Variants in RCC1L observed in about 807,000 individuals in gnomAD.
RCC1L encodes the protein RCC1-like G exchanging factor-like protein.
RCC1L carries 46 observed loss-of-function variants against 58.6 expected under a neutral mutation model. The observed-to-expected ratio is 0.79, with a 90% CI of 0.62 to 1.00. The LOEUF is 1.00. RCC1L is among the 50% of genes least tolerant of loss of function. RCC1L has a pLI of 0.00. For missense variants in RCC1L, 636 were observed against 623.6 expected (o/e 1.02, Z -0.21); for synonymous variants, 281 against 262.9 (o/e 1.07, Z -0.67).
In RCC1L at chr7:75,066,542, TACC is replaced by T. The variant is rs368825360; in HGVS notation, c.583+119_583+121del. On this transcript the variant is annotated intron_variant, in intron 3 of 10. Transcript: ENST00000610322. ...CAATCCCACTGATCTGCTCAGGAAA[TACC>T]ACATTTCACTCATTAGATGTGGCTC... 1.0e-4 allele frequency: 134 copies of T among 1,344,556 alleles called. No homozygotes were observed. The African/African-American group carries it at 1.8e-3, about 18-fold the overall frequency. The allele number at this position is 1,344,556 out of a possible 1,614,324, so 83.3% of individuals were successfully genotyped here.
At chr7:75,044,695 C>A (rs998435015) in intron 10 of RCC1L, among the ~76,000 whole-genome samples, 2 of 148,678 alleles carry the variant, frequency 1.3e-5, no homozygotes, top group African/African-American at 4.9e-5. Context: ...CTACTTTTAA[C>A]TGATTTCTTA....
chr7:75,056,816 GC>G, intron 8 of RCC1L: 1 of 1,251,268 alleles, frequency 8.0e-7, no homozygotes, highest in Non-Finnish European at 1.1e-6. Context: ...TCTTCCCATG[GC>G]CATAGTCCCT....
In RCC1L at chr7:75,056,002, G is replaced by A. The variant is rs782085050; in HGVS notation, c.1130C>T (p.Pro377Leu). The A allele has an allele frequency of 3.1e-6, 5 of 1,613,954 alleles. No individual in the cohort carries two copies. In the Admixed American group the frequency reaches 6.7e-5, roughly 22 times the overall value. Residue 377 changes from proline (P) to leucine (L), a missense_variant, in exon 9 of 11, where the codon CCT becomes CTT. By Grantham distance (98) the Pro-to-Leu change is moderately conservative. Transcript: ENST00000610322. ...AAAGAGAGTGGGTGGAATCATTTCAGGGACGGCACTTTCCACTAGGTTTGG... is the reference window on the plus strand; with the variant it reads ...AAAGAGAGTGGGTGGAATCATTTCAAGGACGGCACTTTCCACTAGGTTTGG... ...KGPNLVESAV[P>L]EMIPPTLFGL...
At chr7:75,044,762 C>A (rs1465013256) in intron 10 of RCC1L, among the ~76,000 whole-genome samples, 1 of 151,924 alleles carries the variant, frequency 6.6e-6, no homozygotes, top group Non-Finnish European at 1.5e-5. Context: ...CTAGGCCAGG[C>A]GCAGTGGCTC....
intron 10 of RCC1L, among the ~76,000 whole-genome samples, chr7:75,031,879 T>C (rs1433042857): frequency 2.6e-5 from 4 of 152,200 alleles, no homozygotes; most frequent in Non-Finnish European, 5.9e-5. Context: ...CACTTCTAAG[T>C]GAGGCCTGGC....
chr7:75,069,486 C>A (rs587597704), intron 2 of RCC1L, among the ~76,000 whole-genome samples: 1 of 152,132 alleles, frequency 6.6e-6, no homozygotes, highest in Non-Finnish European at 1.5e-5. Context: ...GGATTACAGG[C>A]GTGAGCCCCT....
intron 10 of RCC1L, among the ~76,000 whole-genome samples, chr7:75,048,266 CA>C (rs1166086711): frequency 0.03 from 2,832 of 95,570 alleles, 42 homozygotes; most frequent in Non-Finnish European, 0.035. Context: ...GACATCGCCT[CA>C]AAAAAAAAAA....
intron 6 of RCC1L, among the ~76,000 whole-genome samples, chr7:75,059,187 C>CAAAAAAAAAAAAAAA (rs71278503): frequency 2.6e-5 from 2 of 77,936 alleles, no homozygotes; most frequent in Non-Finnish European, 2.6e-5. Context: ...ATGAGACTCT[C>CAAAAAAAAAAAAAAA]AAAAAAAAAA....
At chr7:75,028,491 C>T (rs1805205288) in intron 10 of RCC1L, among the ~76,000 whole-genome samples, 1 of 152,012 alleles carries the variant, frequency 6.6e-6, no homozygotes, top group African/African-American at 2.4e-5. Flanking sequence ...TGTGTCTTGG[C>T]CCCTGTGTGG....
At chr7:75,044,975 T>C (rs2131978883) in intron 10 of RCC1L, among the ~76,000 whole-genome samples, 1 of 152,246 alleles carries the variant, frequency 6.6e-6, no homozygotes, top group African/African-American at 2.4e-5. Flanking sequence ...TGAGCCGAGA[T>C]CACGCCATTG....
intron 9 of RCC1L, among the ~76,000 whole-genome samples, chr7:75,054,425 G>T (rs1806014255): frequency 6.6e-6 from 1 of 152,150 alleles, no homozygotes; most frequent in Non-Finnish European, 1.5e-5. Context: ...TCATTTCGCT[G>T]TGACCTGAAA....
chr7:75,068,680 T>C (rs1459834841), intron 2 of RCC1L, among the ~76,000 whole-genome samples: 1 of 151,172 alleles, frequency 6.6e-6, no homozygotes, highest in Non-Finnish European at 1.5e-5. Flanking sequence ...CAAGACTCCA[T>C]CTCAAACAAA....
At chr7:75,054,649 G>C (rs930842117) in intron 9 of RCC1L, among the ~76,000 whole-genome samples, 2,346 of 152,300 alleles carry the variant, frequency 0.015, 129 homozygotes, top group Admixed American at 0.092. Context: ...GGGCGTGGTG[G>C]TGTGTGCCTG....
chr7:75,061,257 G>A lies in RCC1L; in HGVS notation c.737C>T (p.Thr246Met), dbSNP rs1306616077. 33 of 1,613,608 alleles carry A rather than the reference G, an allele frequency of 2.0e-5. No homozygotes were observed. Among genetic ancestry groups the A allele is most frequent in the African/African-American group, 9.3e-5 (7 of 74,940 alleles). ...ACGQDHSLFL[T>M]DKGEVYSCGW... is the part of the protein sequence containing the mutation. ...ACAAGAATAGACTTCTCCTTTATCC[G>A]TCAGGAACAGACTATGATCCTGACC... Residue 246 changes from threonine to methionine, a missense_variant, in exon 6 of 11, where the codon ACG becomes ATG. Transcript: ENST00000610322.
At chr7:75,030,350 AG>A (rs1412211807) in intron 10 of RCC1L, among the ~76,000 whole-genome samples, 5 of 152,184 alleles carry the variant, frequency 3.3e-5, no homozygotes, top group African/African-American at 1.2e-4. Context: ...TCTTGTTGTC[AG>A]GCCTTGAGTG....
intron 6 of RCC1L, among the ~76,000 whole-genome samples, chr7:75,059,638 TG>T (rs1293210493): frequency 6.6e-6 from 1 of 151,966 alleles, no homozygotes; most frequent in African/African-American, 2.4e-5. Context: ...ATCGAACTCC[TG>T]GGCTCAAGCA....
chr7:75,063,493 G>T, intron 4 of RCC1L, 150 bp from the exon 5 acceptor site: 2 of 849,326 alleles, frequency 2.4e-6, no homozygotes, highest in Non-Finnish European at 4.0e-6. Context: ...CTTAGGTCGA[G>T]TCAGGCCTGG....
At chr7:75,072,278 T>A (rs1806790992) in intron 1 of RCC1L, among the ~76,000 whole-genome samples, 1 of 147,298 alleles carries the variant, frequency 6.8e-6, no homozygotes, top group Non-Finnish European at 1.5e-5. Context: ...CCTCCTGCCT[T>A]GGCCTCCCAA....
At chr7:75,056,531 T>C in intron 8 of RCC1L, 1 of 1,519,548 alleles carries the variant, frequency 6.6e-7, no homozygotes, top group Non-Finnish European at 8.8e-7. Flanking sequence ...ATAGAAAGTT[T>C]AATATTCATC....
Sources: allele counts gnomAD v4.1 joint callset (sites outside exome capture counted in the v4.1 genomes callset), GRCh38; gene constraint gnomAD v4.1.1; transcripts MANE v1.5; gene names NCBI Gene and HGNC (gene_info 2026-07-23, HGNC 2026-07-21).